Variants in OTOGL observed in about 807,000 individuals in gnomAD.
The protein encoded by OTOGL is otogelin like.
A neutral mutation model predicts 318.5 loss-of-function variants in OTOGL; 285 were observed. That is an observed-to-expected ratio of 0.89 (90% CI 0.81 to 0.99). The LOEUF (loss-of-function observed/expected upper bound fraction) is 0.99. Ranked by LOEUF, OTOGL falls within the 50% of genes least tolerant of loss-of-function variation. The pLI, the probability that OTOGL is intolerant of heterozygous loss-of-function variation, is 0.00. For synonymous variants in OTOGL, 987 were observed against 936.5 expected, an observed-to-expected ratio of 1.05 and a Z score of -0.99; for missense variants, 2,899 against 2,845.6, an observed-to-expected ratio of 1.02 and a Z score of -0.43.
At chr12:80,213,531 T>G (rs1179619735) in intron 4 of OTOGL, among the ~76,000 whole-genome samples, 1 of 152,204 alleles carries the variant, frequency 6.6e-6, no homozygotes, top group East Asian at 1.9e-4. Context: ...GTGGAACCAC[T>G]CTGGTTGGAG....
At chr12:80,307,992 G>C (rs1437015650) in intron 29 of OTOGL, among the ~76,000 whole-genome samples, 1 of 143,992 alleles carries the variant, frequency 6.9e-6, no homozygotes, top group Non-Finnish European at 1.5e-5. Context: ...CAGTAGGGGC[G>C]GCCGGGCAGA....
chr12:80,312,052 T>C lies in OTOGL; in HGVS notation c.3450+1325T>C, dbSNP rs545714802. Among the ~76,000 whole-genome samples the C allele has an allele frequency of 2.0e-5, 3 of 152,324 alleles. No individual in the cohort carries two copies. In the South Asian group the frequency reaches 6.2e-4, roughly 32 times the overall value. On this transcript the variant is annotated intron_variant, in intron 30 of 58. Coordinates refer to ENST00000547103, the MANE Select transcript of OTOGL (RefSeq NM_001378609.3). ...GGCGAAATAAAAAACAATTTTAATA[T>C]AGCAAAATATAAAGTTAATTGATGT...
At chr12:80,307,873 C>G (rs1211565656) in intron 29 of OTOGL, among the ~76,000 whole-genome samples, 2 of 134,732 alleles carry the variant, frequency 1.5e-5, no homozygotes, top group Non-Finnish European at 3.1e-5. Flanking sequence ...GGGGGCTGAC[C>G]CCCCCACCTC....
At chr12:80,276,688 C>G (rs1883833527) in intron 24 of OTOGL, among the ~76,000 whole-genome samples, 1 of 151,522 alleles carries the variant, frequency 6.6e-6, no homozygotes, top group Non-Finnish European at 1.5e-5. Flanking sequence ...GCCAAGGTGA[C>G]AGACTGTAGA....
chr12:80,258,144 G>C lies in OTOGL; in HGVS notation c.1889+142G>C, dbSNP rs1226781743. 3.8e-6 allele frequency: 3 copies of C among 790,142 alleles called. No individual in the cohort carries two copies. In the South Asian group the frequency reaches 7.3e-5, roughly 19 times the overall value. The allele number at this position is 790,142 out of a possible 1,614,324, so 48.9% of individuals were successfully genotyped here. ...TTACATGGATCATCGTATTTAAAAT[G>C]TATAGCAATCTCTGATAAATATGTT... On this transcript the variant is annotated intron_variant, in intron 18 of 58. Transcript: ENST00000547103.
intron 1 of OTOGL, among the ~76,000 whole-genome samples, chr12:80,203,544 T>C (rs537924948): frequency 6.6e-6 from 1 of 152,298 alleles, no homozygotes; most frequent in East Asian, 1.9e-4. Flanking sequence ...GTCATAAAGA[T>C]GTGTTGCCAA....
intron 7 of OTOGL, among the ~76,000 whole-genome samples, chr12:80,223,742 T>C (rs779209399): frequency 2.0e-5 from 3 of 152,150 alleles, no homozygotes; most frequent in Non-Finnish European, 2.9e-5. Flanking sequence ...GAGAATTGTC[T>C]ATTCATGTCC....
At chr12:80,250,030 C>T (rs926303874) in intron 11 of OTOGL, among the ~76,000 whole-genome samples, 7 of 152,078 alleles carry the variant, frequency 4.6e-5, no homozygotes, top group East Asian at 3.9e-4. Context: ...GGCTCGCGCA[C>T]GGTGCGCGCA....
chr12:80,294,890 C>G (rs75539239), intron 26 of OTOGL, among the ~76,000 whole-genome samples: 23 of 152,062 alleles, frequency 1.5e-4, no homozygotes, highest in African/African-American at 5.3e-4. Context: ...AGTTTGAGAC[C>G]GGCCTGGGTA....
At chr12:80,167,730 T>TA (rs1330339696) in intron 1 of OTOGL, among the ~76,000 whole-genome samples, 2 of 152,102 alleles carry the variant, frequency 1.3e-5, no homozygotes, top group African/African-American at 4.8e-5. Flanking sequence ...ACATCTAATT[T>TA]ATCTGATAAA....
intron 5 of OTOGL, among the ~76,000 whole-genome samples, chr12:80,218,711 A>G (rs1426081317): frequency 2.0e-5 from 3 of 151,958 alleles, no homozygotes; most frequent in Non-Finnish European, 4.4e-5. Flanking sequence ...CTATGAAAGA[A>G]AGAATATTTT....
At chr12:80,171,628 C>G (rs970050159) in intron 1 of OTOGL, among the ~76,000 whole-genome samples, 3 of 151,968 alleles carry the variant, frequency 2.0e-5, no homozygotes, top group African/African-American at 7.2e-5. Flanking sequence ...TTTCATCTTC[C>G]TTTGGTTTTG....
intron 42 of OTOGL, 120 bp from the exon 43 acceptor site, chr12:80,338,955 C>A (rs1888576550): frequency 4.9e-6 from 4 of 823,272 alleles, no homozygotes; most frequent in Middle Eastern, 3.5e-4. Flanking sequence ...GTAAGAAATA[C>A]ATTTCTTAAA....
At chr12:80,172,979 G>T (rs1874305019) in intron 1 of OTOGL, among the ~76,000 whole-genome samples, 1 of 152,164 alleles carries the variant, frequency 6.6e-6, no homozygotes, top group Admixed American at 6.5e-5. Context: ...ATAGCTAACA[G>T]ATGCTGGGCT....
chr12:80,302,654 G>T lies in OTOGL; in HGVS notation c.3084G>T (p.Leu1028=). Residue 1028 remains leucine (L), a synonymous_variant, in exon 28 of 59, where the codon CTG becomes CTT. Transcript: ENST00000547103. The stretch of plus-strand genomic sequence containing the variant: ...TTAAGAAACAATCAGGTTTTTTTCT[G>T]GAAAACAAATCTACCTACCAGCTTT... The part of the protein sequence containing the change: ...PYKQKQSGFF[L]ENKSTYQLWK... The T allele has an allele frequency of 7.3e-7, 1 of 1,371,640 alleles. No homozygotes were observed. Among genetic ancestry groups the T allele is most frequent in the South Asian group, 1.8e-5 (1 of 55,146 alleles). 85.0% of individuals were successfully genotyped at this position (1,371,640 alleles called of 1,614,324 possible).
intron 29 of OTOGL, among the ~76,000 whole-genome samples, chr12:80,307,722 C>T (rs567406230): frequency 1.6e-4 from 23 of 143,754 alleles, no homozygotes; most frequent in Middle Eastern, 4.4e-3. Flanking sequence ...CCGGACGGGG[C>T]GGCTGGCCGA....
At chr12:80,372,102 T>G (rs1890912532) in intron 57 of OTOGL, 38 bp downstream of exon 57, 3 of 1,380,954 alleles carry the variant, frequency 2.2e-6, no homozygotes, top group Non-Finnish European at 2.0e-6. Flanking sequence ...ACTTGATAGA[T>G]TAGTTTTAAT....
At chr12:80,336,769 T>G in intron 40 of OTOGL, 28 bp from the exon 41 acceptor site, 1 of 1,493,560 alleles carries the variant, frequency 6.7e-7, no homozygotes, top group Non-Finnish European at 9.1e-7. Context: ...AATAATGCAT[T>G]TAAAAGTATT....
At position 80,271,609 on chromosome 12, in the gene OTOGL, A is replaced by G. The variant is rs1224016759; in HGVS notation, c.2519-39A>G. The G allele has an allele frequency of 3.1e-6, 5 of 1,588,098 alleles. No individual in the cohort carries two copies. In the Admixed American group the frequency reaches 5.2e-5, roughly 17 times the overall value. ...GTGTTCATATCTCCCATGCCATGAC[A>G]AAAAGTTAAGGACATTTTGTCTGTG... is the stretch of plus-strand genomic sequence containing the variant. On this transcript the variant is annotated intron_variant, in intron 23 of 58. Coordinates refer to ENST00000547103, the MANE Select transcript of OTOGL (RefSeq NM_001378609.3).
Sources: gnomAD v4.1 joint callset for allele counts (sites outside exome capture counted in the v4.1 genomes callset) on GRCh38, gnomAD v4.1.1 for gene constraint, MANE v1.5 for transcripts, NCBI Gene and HGNC (gene_info 2026-07-23, HGNC 2026-07-21) for gene names.